The following USP30 variants were observed in gnomAD, a reference collection of about 807,000 sequenced individuals.
The protein encoded by USP30 is ubiquitin carboxyl-terminal hydrolase 30.
In USP30, 41 loss-of-function variants were observed where a neutral mutation model predicts 68.2. The ratio of observed to expected loss-of-function variants is 0.60; its 90% CI spans 0.47 to 0.78. The LOEUF (loss-of-function observed/expected upper bound fraction) is 0.78. Ranked by LOEUF, USP30 falls within the 30% of genes least tolerant of loss-of-function variation. The pLI, the probability that USP30 is intolerant of heterozygous loss-of-function variation, is 0.00. For missense variants in USP30, 522 were observed against 649.4 expected (o/e 0.80, Z 2.13); for synonymous variants, 229 against 253.7 (o/e 0.90, Z 0.93).
At chr12:109,055,400 A>ATATAT (rs1298811530) in intron 1 of USP30, among the ~76,000 whole-genome samples, 2 of 24,474 alleles carry the variant, frequency 8.2e-5, no homozygotes, top group Admixed American at 7.5e-4. Context: ...ATATATATAT[A>ATATAT]TTTTTTTTTT....
intron 3 of USP30, among the ~76,000 whole-genome samples, chr12:109,038,810 G>T (rs1013931169): frequency 6.6e-6 from 1 of 152,032 alleles, no homozygotes; most frequent in Non-Finnish European, 1.5e-5. Flanking sequence ...CATTCTAATG[G>T]GTGTGTGGTG....
upstream of USP30, among the ~76,000 whole-genome samples, chr12:109,047,920 G>C (rs772943440): frequency 6.6e-6 from 1 of 152,006 alleles, no homozygotes; most frequent in Non-Finnish European, 1.5e-5. Flanking sequence ...CTCCCTAAGG[G>C]TGCTCAAGAC....
intron 2 of USP30, among the ~76,000 whole-genome samples, chr12:109,027,216 T>C (rs1362459501): frequency 6.6e-6 from 1 of 152,218 alleles, no homozygotes; most frequent in African/African-American, 2.4e-5. Flanking sequence ...ACTCTACCCA[T>C]TGAGTAATAA....
In USP30 at chr12:109,070,529, A is replaced by G. The variant is rs1167199613; in HGVS notation, c.481-1083A>G. On this transcript the variant is annotated intron_variant, in intron 4 of 12. Coordinates refer to ENST00000257548, the MANE Select transcript of USP30 (RefSeq NM_032663.5). The surrounding 1 kb of genome is among the most constrained non-coding windows in gnomAD (Gnocchi z 4.0). ...GTGAATGTTGGGGGCTTTGTAGGCC[A>G]GATAAGAATGGTAGGTTTTACTCTA... Among the ~76,000 whole-genome samples, 2 of 152,208 alleles carry G rather than the reference A, an allele frequency of 1.3e-5. No homozygotes were observed. The highest frequency in any genetic ancestry group is 3.8e-4 in the East Asian group (2 of 5,198).
At chr12:109,079,236 A>G (rs2135808656) in intron 7 of USP30, among the ~76,000 whole-genome samples, 1 of 143,582 alleles carries the variant, frequency 7.0e-6, no homozygotes, top group East Asian at 2.1e-4. Context: ...GTCTTGTTCA[A>G]TTTTCTTCAA....
At chr12:109,084,129 G>A (rs1046315910) in intron 11 of USP30, among the ~76,000 whole-genome samples, 1 of 152,154 alleles carries the variant, frequency 6.6e-6, no homozygotes, top group African/African-American at 2.4e-5. Context: ...TTGGGAGATT[G>A]AGGTGGGAGG....
At position 109,086,951 on chromosome 12, in the gene USP30, A is replaced by T. The variant is rs1297763078; in HGVS notation, c.*1020A>T. On this transcript the variant is annotated 3_prime_UTR_variant, in exon 13 of 13. Coordinates refer to ENST00000257548, the MANE Select transcript of USP30 (RefSeq NM_032663.5). The stretch of plus-strand genomic sequence containing the variant: ...TTTGTGAAGTGAAGGGTTAGATTTG[A>T]TGACCACCAAAGTTCAGCCCTTTTC... The T allele has an allele frequency of 1.3e-5, 2 of 152,128 alleles. No individual in the cohort carries two copies. Among genetic ancestry groups the T allele is most frequent in the Non-Finnish European group, 2.9e-5 (2 of 68,030 alleles). 9.4% of individuals were successfully genotyped at this position (152,128 alleles called of 1,614,324 possible). A position where few individuals can be genotyped will look rare whatever the true frequency, so the allele number is the denominator to read the frequency against.
At chr12:109,041,542 G>A (rs2040565076) in intron 3 of USP30, among the ~76,000 whole-genome samples, 1 of 152,028 alleles carries the variant, frequency 6.6e-6, no homozygotes, top group South Asian at 2.1e-4. Context: ...GGCTGAGGCA[G>A]AGGAATCGCT....
chr12:109,026,121 G>T (rs887573310), intron 2 of USP30, among the ~76,000 whole-genome samples: 1 of 151,960 alleles, frequency 6.6e-6, no homozygotes, highest in Non-Finnish European at 1.5e-5. Flanking sequence ...TGTTGCCCAG[G>T]CTGGAGTGCA....
intron 3 of USP30, among the ~76,000 whole-genome samples, chr12:109,061,185 G>C (rs2041053006): frequency 6.6e-6 from 1 of 151,914 alleles, no homozygotes. Flanking sequence ...AGTATTCTTG[G>C]GGCAAATGGG....
At chr12:109,082,320 G>A (rs535544668) in intron 9 of USP30, among the ~76,000 whole-genome samples, 6 of 152,290 alleles carry the variant, frequency 3.9e-5, no homozygotes, top group Non-Finnish European at 5.9e-5. Context: ...TTTAACCTGT[G>A]CTACCTGCCT....
intron 7 of USP30, among the ~76,000 whole-genome samples, chr12:109,075,773 T>C (rs2041582263): frequency 6.6e-6 from 1 of 152,154 alleles, no homozygotes; most frequent in Non-Finnish European, 1.5e-5. Context: ...CACTGGCCAT[T>C]TGTATGTCTT....
chr12:109,029,415 T>G (rs947908672), intron 3 of USP30, among the ~76,000 whole-genome samples: 2 of 152,176 alleles, frequency 1.3e-5, no homozygotes, highest in Non-Finnish European at 2.9e-5. Flanking sequence ...TCTGTCTTGC[T>G]TATCTGGGAG....
upstream of USP30, among the ~76,000 whole-genome samples, chr12:109,048,078 C>CTT (rs571441531): frequency 2.2e-3 from 297 of 134,330 alleles, 3 homozygotes; most frequent in African/African-American, 7.5e-3. Flanking sequence ...AGAATGCCTA[C>CTT]TTTTTTTTTT....
At chr12:109,031,028 C>T (rs1215203526) in intron 3 of USP30, among the ~76,000 whole-genome samples, 1 of 152,126 alleles carries the variant, frequency 6.6e-6, no homozygotes, top group Non-Finnish European at 1.5e-5. Flanking sequence ...CCAGAACCTT[C>T]TGTTCTGTCT....
intron 12 of USP30, 131 bp from the exon 13 acceptor site, chr12:109,085,536 T>C: frequency 9.3e-7 from 1 of 1,075,010 alleles, no homozygotes; most frequent in Non-Finnish European, 1.4e-6. Flanking sequence ...ATTTTAATAG[T>C]TGTGTAGCAT....
At chr12:109,085,119 T>A (rs780950848) in intron 12 of USP30, 46 bp downstream of exon 12, 56 of 1,386,302 alleles carry the variant, frequency 4.0e-5, no homozygotes, top group Non-Finnish European at 5.1e-5. Flanking sequence ...CCACTGCTCT[T>A]AGCTTCTAAA....
chr12:109,054,194 A>G (rs73413064), intron 1 of USP30, among the ~76,000 whole-genome samples: 4,654 of 152,292 alleles, frequency 0.031, 232 homozygotes, highest in African/African-American at 0.1. Context: ...CGTATCGTGT[A>G]AAAGCACAGT....
At chr12:109,049,362 A>G (rs2040636776), upstream of USP30, among the ~76,000 whole-genome samples, 2 of 152,172 alleles carry the variant, frequency 1.3e-5, no homozygotes, top group South Asian at 4.1e-4. Flanking sequence ...AGAGTGAGAG[A>G]GAGGGGGGAA....
Sources: allele counts gnomAD v4.1 joint callset (sites outside exome capture counted in the v4.1 genomes callset), GRCh38; gene constraint gnomAD v4.1.1; non-coding constraint Gnocchi (gnomAD v3.1); transcripts MANE v1.5; gene names NCBI Gene and HGNC (gene_info 2026-07-23, HGNC 2026-07-21).